Variants in GALNT13 observed in about 807,000 individuals in gnomAD.
GALNT13 encodes polypeptide N-acetylgalactosaminyltransferase 13.
GALNT13 carries 28 observed loss-of-function variants against 64.2 expected under a neutral mutation model. The ratio of observed to expected loss-of-function variants is 0.44; its 90% CI spans 0.32 to 0.60. GALNT13 has a LOEUF of 0.60. Ranked by LOEUF, GALNT13 falls within the 20% of genes least tolerant of loss-of-function variation. The probability of loss-of-function intolerance (pLI) is 0.05; values close to 1 mark genes in which losing one functional copy is unlikely to be tolerated. For synonymous variants in GALNT13, 214 were observed against 224.6 expected (o/e 0.95, Z 0.42); for missense variants, 577 against 669.8 (o/e 0.86, Z 1.53).
chr2:153,319,315 T>A, the GALNT13 span, among the ~76,000 whole-genome samples: 5 of 152,192 alleles, frequency 3.3e-5, no homozygotes, highest in Non-Finnish European at 7.3e-5. Context: ...CACTCTGTCA[T>A]CTAGACTGGA....
chr2:154,443,951 G>T (rs1237339108), intron 12 of GALNT13, among the ~76,000 whole-genome samples: 1 of 152,100 alleles, frequency 6.6e-6, no homozygotes, highest in African/African-American at 2.4e-5. Flanking sequence ...GGGTTTAGAT[G>T]ATCCTATTTT....
intron 3 of GALNT13, among the ~76,000 whole-genome samples, chr2:154,077,066 G>A (rs922174336): frequency 1.3e-5 from 2 of 151,570 alleles, no homozygotes; most frequent in Non-Finnish European, 3.0e-5. Flanking sequence ...GAATAAAGCA[G>A]GATAAATAAC....
At chr2:153,747,576 C>T in the GALNT13 span, among the ~76,000 whole-genome samples, 9 of 151,810 alleles carry the variant, frequency 5.9e-5, no homozygotes, top group South Asian at 1.3e-3. Context: ...TACGGGTGCA[C>T]GCCACCATGC....
the GALNT13 span, among the ~76,000 whole-genome samples, chr2:153,265,099 A>G: frequency 6.6e-6 from 1 of 152,184 alleles, no homozygotes. Context: ...AACAGAGGAA[A>G]GGAGTCCCTC....
the GALNT13 span, among the ~76,000 whole-genome samples, chr2:153,816,589 C>G: frequency 6.6e-6 from 1 of 151,576 alleles, no homozygotes; most frequent in African/African-American, 2.4e-5. Flanking sequence ...AGAGACAGAA[C>G]CAATACAATG....
chr2:154,286,934 A>G (rs1403481064), intron 8 of GALNT13: 11 of 524,322 alleles, frequency 2.1e-5, no homozygotes, highest in Non-Finnish European at 2.1e-5. Context: ...GAGGACTACA[A>G]TGACTCTGTG....
At chr2:153,611,135 ACT>A in the GALNT13 span, among the ~76,000 whole-genome samples, 2 of 152,130 alleles carry the variant, frequency 1.3e-5, no homozygotes, top group African/African-American at 4.8e-5. Flanking sequence ...TTTAAAGTTA[ACT>A]CTCTAAGTTG....
chr2:153,384,954 A>G, the GALNT13 span, among the ~76,000 whole-genome samples: 12 of 152,082 alleles, frequency 7.9e-5, no homozygotes, highest in Admixed American at 7.9e-4. Flanking sequence ...AACTAAAATC[A>G]TGTGGATTGC....
chr2:154,330,510 G>C (rs1695111649), intron 9 of GALNT13, among the ~76,000 whole-genome samples: 1 of 152,034 alleles, frequency 6.6e-6, no homozygotes, highest in Admixed American at 6.6e-5. Flanking sequence ...ATATACAGCT[G>C]ATTTCTCTTT....
At chr2:153,385,832 T>C in the GALNT13 span, among the ~76,000 whole-genome samples, 2 of 150,764 alleles carry the variant, frequency 1.3e-5, no homozygotes, top group Middle Eastern at 3.4e-3. Context: ...CATAACTATA[T>C]ACACTACTAT....
chr2:154,159,680 A>G (rs1369804537), intron 4 of GALNT13, among the ~76,000 whole-genome samples: 1 of 151,994 alleles, frequency 6.6e-6, no homozygotes, highest in East Asian at 1.9e-4. Context: ...TTTTTAATCT[A>G]TTTTTTTCCC....
chr2:153,775,574 A>G, the GALNT13 span, among the ~76,000 whole-genome samples: 2 of 151,932 alleles, frequency 1.3e-5, no homozygotes, highest in East Asian at 3.8e-4. Context: ...AACTTTCTTA[A>G]TTTTTTTTCA....
intron 3 of GALNT13, among the ~76,000 whole-genome samples, chr2:154,098,306 C>A (rs894553360): frequency 4.0e-5 from 6 of 150,876 alleles, no homozygotes; most frequent in Non-Finnish European, 7.4e-5. Context: ...CTGATTATCT[C>A]CCTCCTCCTT....
chr2:154,254,189 G>A (rs1690242912), intron 7 of GALNT13, among the ~76,000 whole-genome samples: 1 of 152,070 alleles, frequency 6.6e-6, no homozygotes, highest in African/African-American at 2.4e-5. Context: ...ATATACCAAG[G>A]CACAAAAATG....
chr2:154,036,003 T>A (rs1170496684), intron 3 of GALNT13, among the ~76,000 whole-genome samples: 1 of 152,060 alleles, frequency 6.6e-6, no homozygotes, highest in Non-Finnish European at 1.5e-5. Flanking sequence ...TTCTGATGAT[T>A]TCATTGCTTT....
chr2:154,157,976 C>A (rs578093449), intron 4 of GALNT13, among the ~76,000 whole-genome samples: 11 of 152,254 alleles, frequency 7.2e-5, no homozygotes, highest in African/African-American at 2.6e-4. Context: ...TTCACCCTAA[C>A]CCCAAGCGTA....
chr2:153,973,271 T>C (rs1275671305), intron 3 of GALNT13, among the ~76,000 whole-genome samples: 1 of 152,000 alleles, frequency 6.6e-6, no homozygotes, highest in Non-Finnish European at 1.5e-5. Flanking sequence ...ACCTCTATAA[T>C]TTACAACCTT....
chr2:153,649,245 T>C, the GALNT13 span, among the ~76,000 whole-genome samples: 8 of 152,360 alleles, frequency 5.3e-5, no homozygotes, highest in South Asian at 1.7e-3. Flanking sequence ...TTCTAGTTTA[T>C]TTGCACAGAG....
At chr2:154,025,143 G>C (rs1019154770) in intron 3 of GALNT13, among the ~76,000 whole-genome samples, 3 of 152,104 alleles carry the variant, frequency 2.0e-5, no homozygotes, top group African/African-American at 7.2e-5. Flanking sequence ...GGGGGTCATG[G>C]ACCCACTTGA....
Sources: gnomAD v4.1 joint callset for allele counts (sites outside exome capture counted in the v4.1 genomes callset) on GRCh38, gnomAD v4.1.1 for gene constraint, MANE v1.5 for transcripts, NCBI Gene and HGNC (gene_info 2026-07-23, HGNC 2026-07-21) for gene names.